FAAP20: variants seen among roughly 807,000 people sequenced by gnomAD.
The protein encoded by FAAP20 is Fanconi anemia core complex-associated protein 20.
FAAP20 carries 12 observed loss-of-function variants against 16.2 expected under a neutral mutation model. The ratio of observed to expected loss-of-function variants is 0.74; its 90% CI spans 0.48 to 1.20. The LOEUF (loss-of-function observed/expected upper bound fraction) is 1.20, where lower values mean the gene tolerates loss of function less well. Among genes scored for constraint, FAAP20 ranks in the 50% most tolerant of loss-of-function variants. FAAP20 has a pLI of 0.00. For synonymous variants in FAAP20, 141 were observed against 110.7 expected, an observed-to-expected ratio of 1.27 and a Z score of -1.72; for missense variants, 288 against 245.8, an observed-to-expected ratio of 1.17 and a Z score of -1.15.
chr1:2,188,835 T>C (rs575283897), downstream of FAAP20, among the ~76,000 whole-genome samples: 12 of 150,862 alleles, frequency 8.0e-5, no homozygotes, highest in Non-Finnish European at 1.2e-4. Flanking sequence ...GAAACCCCGT[T>C]TCTACTGAAA....
downstream of FAAP20, among the ~76,000 whole-genome samples, chr1:2,211,943 C>T (rs1322860141): frequency 2.2e-5 from 3 of 134,258 alleles, no homozygotes; most frequent in South Asian, 2.4e-4. Context: ...TGCTTTGTCG[C>T]CCAGGCTGGA....
chr1:2,186,833 C>G (rs1025206270), downstream of FAAP20: 2 of 161,746 alleles, frequency 1.2e-5, no homozygotes, highest in African/African-American at 4.8e-5. Flanking sequence ...ATTGAAGGCA[C>G]TTACCTAAAT....
chr1:2,193,640 TG>T lies in FAAP20; in HGVS notation c.468del (p.Arg157GlyfsTer2). 2 of 1,594,820 alleles carry T rather than the reference TG, an allele frequency of 1.3e-6. No homozygotes were observed. Among genetic ancestry groups the T allele is most frequent in the Non-Finnish European group, 8.5e-7 (1 of 1,175,472 alleles). ...CGGGCGCAGGGGTGGCCTACTCACC[TG>T]GGGGCGAACTCCTTCTGGCACATGG... ...SCPMCQKEFA[P>X]RLTQLDVDSH... On this transcript the variant is annotated frameshift_variant and splice_region_variant, in exon 3 of 4. Coordinates refer to ENST00000378546, the MANE Select transcript of FAAP20 (RefSeq NM_182533.4). LOFTEE classifies it high-confidence loss of function.
At chr1:2,203,146 A>G (rs566033987), upstream of FAAP20, among the ~76,000 whole-genome samples, 6 of 152,212 alleles carry the variant, frequency 3.9e-5, no homozygotes, top group African/African-American at 1.4e-4. Context: ...CAGGGTCCCG[A>G]GGCCCCAGGA....
downstream of FAAP20, among the ~76,000 whole-genome samples, chr1:2,207,255 A>G (rs1689295928): frequency 6.6e-6 from 1 of 152,118 alleles, no homozygotes; most frequent in Non-Finnish European, 1.5e-5. Flanking sequence ...CTGTGCATCC[A>G]GGGTGTCTTG....
downstream of FAAP20, among the ~76,000 whole-genome samples, chr1:2,187,984 A>T (rs538613371): frequency 2.2e-4 from 33 of 152,186 alleles, no homozygotes; most frequent in African/African-American, 7.9e-4. Flanking sequence ...AGAACCCCCT[A>T]GGGTTGGAAT....
intron 1 of FAAP20, among the ~76,000 whole-genome samples, chr1:2,206,830 C>CAAAAA: frequency 1.1e-5 from 1 of 89,846 alleles, no homozygotes; most frequent in Non-Finnish European, 2.2e-5. Context: ...GAGACTGTCT[C>CAAAAA]AAAAAAAAAA....
At chr1:2,188,264 C>G (rs1687789330), downstream of FAAP20, among the ~76,000 whole-genome samples, 1 of 152,230 alleles carries the variant, frequency 6.6e-6, no homozygotes, top group Non-Finnish European at 1.5e-5. Context: ...ACTGTGAGCC[C>G]AGGCAGACGG....
At chr1:2,200,298 G>T (rs1688997450), upstream of FAAP20, 1 of 152,346 alleles carries the variant, frequency 6.6e-6, no homozygotes, top group Middle Eastern at 3.1e-3. Flanking sequence ...AGGAGGCTGA[G>T]GCAGGAGAAT....
chr1:2,209,488 C>T (rs1427905274), downstream of FAAP20, among the ~76,000 whole-genome samples: 1 of 152,226 alleles, frequency 6.6e-6, no homozygotes, highest in Non-Finnish European at 1.5e-5. Flanking sequence ...GTAGTCAACT[C>T]CACAGAAGAA....
downstream of FAAP20, among the ~76,000 whole-genome samples, chr1:2,211,428 TATATA>T (rs1557797936): frequency 3.6e-4 from 11 of 30,760 alleles, no homozygotes; most frequent in African/African-American, 1.3e-3. Flanking sequence ...TATATATATA[TATATA>T]TATTTTTTTT....
upstream of FAAP20, chr1:2,198,882 C>A (rs1255008258): frequency 7.8e-7 from 1 of 1,289,664 alleles, no homozygotes; most frequent in African/African-American, 1.5e-5. Context: ...GATGTGGTGG[C>A]ATTTATGGGA....
chr1:2,201,654 G>A (rs1354850063), upstream of FAAP20, among the ~76,000 whole-genome samples: 5 of 152,094 alleles, frequency 3.3e-5, no homozygotes, highest in East Asian at 1.9e-4. Context: ...CCTGGGAGGC[G>A]GAGGTTGCAG....
At chr1:2,203,509 C>A, upstream of FAAP20, 5 of 985,254 alleles carry the variant, frequency 5.1e-6, no homozygotes, top group Non-Finnish European at 6.0e-6. Flanking sequence ...CTGGCGCTGA[C>A]CTGTGCACCT....
At position 2,194,057 on chromosome 1, in the gene FAAP20, C is replaced by T; in HGVS notation, c.139G>A (p.Val47Met). ...ERLWAELLRT[V>M]SPELILDHEV... is the part of the protein sequence containing the mutation. ...TGATCCAGGATCAGCTCCGGGCTCA[C>T]CGTGCGCAGTAGCTCGGCCCAGAGC... The change falls in exon 2 of 4, where the codon GTG becomes ATG. Residue 47 changes from valine to methionine, a missense_variant. Val to Met is a conservative substitution (Grantham distance 21). Coordinates refer to ENST00000378546, the MANE Select transcript of FAAP20 (RefSeq NM_182533.4). 3.1e-6 allele frequency: 5 copies of T among 1,612,682 alleles called. No homozygotes were observed. Among genetic ancestry groups the T allele is most frequent in the Non-Finnish European group, 3.4e-6 (4 of 1,179,972 alleles).
upstream of FAAP20, chr1:2,198,595 G>A (rs963814579): frequency 9.4e-7 from 1 of 1,064,996 alleles, no homozygotes; most frequent in Non-Finnish European, 1.2e-6. Flanking sequence ...AGGCTGGCAG[G>A]CCTAAGCAGC....
chr1:2,209,835 C>T (rs1233525028), downstream of FAAP20, among the ~76,000 whole-genome samples: 2 of 152,260 alleles, frequency 1.3e-5, no homozygotes, highest in African/African-American at 4.8e-5. Flanking sequence ...GCCTTCCAGC[C>T]TCCCTCCTGC....
intron 3 of FAAP20, 23 bp from the exon 4 acceptor site, chr1:2,189,804 A>G (rs1438187345): frequency 6.3e-7 from 1 of 1,586,288 alleles, no homozygotes; most frequent in Non-Finnish European, 8.7e-7. Context: ...GGCCACACTC[A>G]CTCGGCCACC....
upstream of FAAP20, chr1:2,198,279 G>A (rs754975855): frequency 1.1e-4 from 94 of 885,142 alleles, no homozygotes; most frequent in Non-Finnish European, 1.4e-4. Flanking sequence ...GAAGGTGATC[G>A]AGTGGGTGGG....
Sources: gnomAD v4.1 joint callset for allele counts (sites outside exome capture counted in the v4.1 genomes callset) on GRCh38, gnomAD v4.1.1 for gene constraint, MANE v1.5 for transcripts, NCBI Gene and HGNC (gene_info 2026-07-23, HGNC 2026-07-21) for gene names.